The following FCAMR variants were observed in gnomAD, a reference collection of about 807,000 sequenced individuals.
The protein encoded by FCAMR is Fc alpha and mu receptor.
Under a neutral mutation model 52.2 loss-of-function variants are expected in FCAMR, and 51 were observed. The observed-to-expected ratio is 0.98, with a 90% CI of 0.78 to 1.23. FCAMR has a LOEUF of 1.23. Among genes scored for constraint, FCAMR ranks in the 50% most tolerant of loss-of-function variants. The probability of loss-of-function intolerance (pLI) is 0.00; values close to 1 mark genes in which losing one functional copy is unlikely to be tolerated. For synonymous variants in FCAMR, 282 were observed against 262.0 expected, an observed-to-expected ratio of 1.08 and a Z score of -0.74; for missense variants, 719 against 712.6, an observed-to-expected ratio of 1.01 and a Z score of -0.10.
intron 7 of FCAMR, 78 bp downstream of exon 7, chr1:206,959,601 C>G: frequency 1.7e-6 from 2 of 1,165,064 alleles, no homozygotes; most frequent in African/African-American, 1.5e-5. Context: ...CCTGGCAGGA[C>G]TCTACCCCTA....
intron 1 of FCAMR, among the ~76,000 whole-genome samples, chr1:206,967,912 C>T (rs1680777455): frequency 6.6e-6 from 1 of 152,230 alleles, no homozygotes; most frequent in Admixed American, 6.5e-5. Flanking sequence ...ATCCCTCTAC[C>T]ATCATGCTCT....
intron 3 of FCAMR, among the ~76,000 whole-genome samples, chr1:206,966,136 G>C (rs1358613492): frequency 6.6e-6 from 1 of 152,182 alleles, no homozygotes; most frequent in African/African-American, 2.4e-5. Flanking sequence ...AGGCCTTGAG[G>C]GGATGAGGGA....
intron 7 of FCAMR, among the ~76,000 whole-genome samples, chr1:206,959,214 T>C (rs904445924): frequency 1.3e-5 from 2 of 151,922 alleles, no homozygotes; most frequent in African/African-American, 4.8e-5. Flanking sequence ...TTGGGCAGAG[T>C]GGCTCACGCC....
At chr1:206,963,174 T>C (rs1211322615) in intron 4 of FCAMR, among the ~76,000 whole-genome samples, 1 of 152,270 alleles carries the variant, frequency 6.6e-6, no homozygotes, top group Admixed American at 6.5e-5. Context: ...CCCCTTCTGC[T>C]TGGTGGGTAC....
intron 6 of FCAMR, 126 bp from the exon 7 acceptor site, chr1:206,959,923 G>T: frequency 4.1e-6 from 3 of 729,576 alleles, no homozygotes; most frequent in Admixed American, 4.3e-5. Context: ...GGGCAGCCCT[G>T]GTTCCCATGG....
At chr1:206,967,518 C>G in intron 2 of FCAMR, 65 bp downstream of exon 2, 1 of 1,543,704 alleles carries the variant, frequency 6.5e-7, no homozygotes, top group Non-Finnish European at 8.9e-7. Flanking sequence ...AGGTTAGTCT[C>G]AGGGATTCGA....
At position 206,962,570 on chromosome 1, in the gene FCAMR, G is replaced by T. The variant is rs577402005; in HGVS notation, c.314-19C>A. 15 of 1,505,626 alleles carry T rather than the reference G, an allele frequency of 1.0e-5. No homozygotes were observed. In the East Asian group the frequency reaches 3.1e-4, roughly 31 times the overall value. The allele number at this position is 1,505,626 out of a possible 1,614,324, so 93.3% of individuals were successfully genotyped here. A position where few individuals can be genotyped will look rare whatever the true frequency, so the allele number is the denominator to read the frequency against. ...TTTGGAGCTGCAGACAGAGAAGGAAGTCAAAGGAGAGGAAGTGGTGAGCAT... is the reference window on the plus strand; with the variant it reads ...TTTGGAGCTGCAGACAGAGAAGGAATTCAAAGGAGAGGAAGTGGTGAGCAT... On this transcript the variant is annotated intron_variant, in intron 4 of 7. Transcript: ENST00000324852.
In FCAMR at chr1:206,959,795, G is replaced by A. The variant is rs1362961771; in HGVS notation, c.1457C>T (p.Thr486Ile). The A allele has an allele frequency of 1.8e-5, 29 of 1,612,364 alleles. No homozygotes were observed. Among genetic ancestry groups the A allele is most frequent in the Non-Finnish European group, 2.5e-5 (29 of 1,178,486 alleles). Residue 486 changes from threonine to isoleucine, a missense_variant and splice_region_variant, in exon 7 of 8, where the codon ACT becomes ATT. Coordinates refer to ENST00000324852, the MANE Select transcript of FCAMR (RefSeq NM_001170631.2). Reference protein sequence around the residue: ...PPGKESSVKRTFPEDESSSRT... With the variant: ...PPGKESSVKRIFPEDESSSRT... ...AGAGCTGCTTTCATCTTCTGGAAAAGTACTACAGTGGGGGTGGAAAGAGCA... is the reference window on the plus strand; with the variant it reads ...AGAGCTGCTTTCATCTTCTGGAAAAATACTACAGTGGGGGTGGAAAGAGCA...
chr1:206,958,965 A>G (rs1181043494), intron 7 of FCAMR: 1 of 556,082 alleles, frequency 1.8e-6, no homozygotes, highest in Non-Finnish European at 3.5e-6. Flanking sequence ...AAACCTGGGC[A>G]TGTTGCTCTC....
intron 1 of FCAMR, among the ~76,000 whole-genome samples, chr1:206,969,777 T>C (rs899585987): frequency 3.9e-5 from 6 of 152,192 alleles, no homozygotes; most frequent in African/African-American, 4.8e-5. Flanking sequence ...CAATGTTCTG[T>C]TCCTCTCCTC....
chr1:206,970,569 C>A (rs1263212090), upstream of FCAMR: 1 of 153,770 alleles, frequency 6.5e-6, no homozygotes, highest in Non-Finnish European at 1.4e-5. Context: ...AGGGAAAATT[C>A]AAAATTCAGG....
chr1:206,968,856 C>T (rs550656354), intron 1 of FCAMR, among the ~76,000 whole-genome samples: 8 of 152,336 alleles, frequency 5.3e-5, no homozygotes, highest in African/African-American at 1.9e-4. Flanking sequence ...AAGTTGTCCC[C>T]TCAGCTTGGC....
In FCAMR at chr1:206,960,516, C is replaced by T; in HGVS notation, c.1360G>A (p.Ala454Thr). The change falls in exon 6 of 8, where the codon GCT (alanine) becomes ACT (threonine). Residue 454 changes from alanine (A) to threonine (T), a missense_variant. Coordinates refer to ENST00000324852, the MANE Select transcript of FCAMR (RefSeq NM_001170631.2). ...GEGSAAGDLDAATGDRGPQAT... is the reference protein window; with the variant it reads ...GEGSAAGDLDTATGDRGPQAT... ...TGGGGACCTCTGTCTCCAGTGGCAG[C>T]ATCTAGGTCCCCTGCAGCGCTTCCT... 1.3e-6 allele frequency: 2 copies of T among 1,551,532 alleles called. No individual in the cohort carries two copies. Among genetic ancestry groups the T allele is most frequent in the South Asian group, 2.4e-5 (2 of 84,034 alleles).
rs927722413 is a variant in FCAMR at position 206,962,333 on chromosome 1, T to C, written c.532A>G (p.Arg178Gly). The C allele has an allele frequency of 3.1e-6, 5 of 1,614,042 alleles. No individual in the cohort carries two copies. In the African/African-American group the frequency reaches 6.7e-5, roughly 22 times the overall value. The change falls in exon 5 of 8, where the codon AGA becomes GGA. Residue 178 changes from arginine to glycine, a missense_variant. By Grantham distance (125) the Arg-to-Gly change is moderately radical. Coordinates refer to ENST00000324852, the MANE Select transcript of FCAMR (RefSeq NM_001170631.2). ...GACAGCCTCACCACAAACAAGCCTC[T>C]CTGTGGAAAGTCTGTGAGGGCCACA... ...DRVALTDFPQ[R>G]GLFVVRLSQL... is the part of the protein sequence containing the mutation.
Position 206,958,514 on chromosome 1 carries a change from C to T in FCAMR, c.*2G>A, listed in dbSNP as rs760345953. On this transcript the variant is annotated 3_prime_UTR_variant, in exon 8 of 8. Transcript: ENST00000324852. ...TAACTGAGCAGTTCATCTCTCTGTC[C>T]CTCAGGGTCCTGGATTTCTCTCTGG... 24 of 1,610,548 alleles carry T rather than the reference C, an allele frequency of 1.5e-5. No individual in the cohort carries two copies. The highest frequency in any genetic ancestry group is 2.0e-5 in the Non-Finnish European group (23 of 1,179,008).
intron 4 of FCAMR, among the ~76,000 whole-genome samples, chr1:206,963,619 G>A (rs2102622498): frequency 6.6e-6 from 1 of 152,270 alleles, no homozygotes; most frequent in South Asian, 2.1e-4. Flanking sequence ...AGCTGGGCTT[G>A]GAGTCTGTCA....
chr1:206,964,898 T>C (rs978423276), intron 4 of FCAMR, among the ~76,000 whole-genome samples: 2 of 152,178 alleles, frequency 1.3e-5, no homozygotes, highest in Non-Finnish European at 2.9e-5. Flanking sequence ...CAGCAGAGCA[T>C]TAAGCCAAGT....
intron 4 of FCAMR, among the ~76,000 whole-genome samples, chr1:206,963,142 G>A (rs1680575605): frequency 6.6e-6 from 1 of 152,140 alleles, no homozygotes; most frequent in Non-Finnish European, 1.5e-5. Context: ...GCAAAAGACG[G>A]GGAGTCCTGA....
intron 3 of FCAMR, among the ~76,000 whole-genome samples, chr1:206,966,296 C>A (rs1489949711): frequency 6.6e-6 from 1 of 152,186 alleles, no homozygotes; most frequent in African/African-American, 2.4e-5. Context: ...TTGTCGTTTA[C>A]TGAAAAATTT....
Sources: allele counts gnomAD v4.1 joint callset (sites outside exome capture counted in the v4.1 genomes callset), GRCh38; gene constraint gnomAD v4.1.1; transcripts MANE v1.5; gene names NCBI Gene and HGNC (gene_info 2026-07-23, HGNC 2026-07-21).